The following DMXL2 variants were observed in gnomAD, a reference collection of about 807,000 sequenced individuals.
The protein encoded by DMXL2 is dmX-like protein 2.
A neutral mutation model predicts 331.1 loss-of-function variants in DMXL2; 103 were observed. That is an observed-to-expected ratio of 0.31 (90% CI 0.27 to 0.37). The LOEUF (loss-of-function observed/expected upper bound fraction) is 0.37, where lower values mean the gene tolerates loss of function less well. Among genes scored for constraint, DMXL2 ranks in the 10% least tolerant of loss-of-function variants. The pLI is 1.00. For synonymous variants in DMXL2, 1,281 were observed against 1,252.1 expected (o/e 1.02, Z -0.49); for missense variants, 3,171 against 3,642.9 (o/e 0.87, Z 3.33).
At chr15:51,483,776 G>A (rs1595965314) in intron 23 of DMXL2, among the ~76,000 whole-genome samples, 1 of 152,146 alleles carries the variant, frequency 6.6e-6, no homozygotes, top group Admixed American at 6.5e-5. Context: ...AAGCAGCCAA[G>A]AGCCCACTTC....
In DMXL2 at chr15:51,542,477, C is replaced by T. The variant is rs372014926; in HGVS notation, c.961G>A (p.Gly321Arg). ...ACAAGAACAGATGACCTCCTCTGTC[C>T]TTTCCTTAAATTTTTCAAATGGTGT... The part of the protein sequence containing the change: ...TIHHLKNLRK[G>R]QRRSSVLVTH... Residue 321 changes from glycine (G) to arginine (R), a missense_variant, in exon 9 of 44, where the codon GGA becomes AGA. Gly to Arg is a moderately radical substitution (Grantham distance 125). Coordinates refer to ENST00000560891, the MANE Select transcript of DMXL2 (RefSeq NM_001378457.1). 2 of 1,613,112 alleles carry T rather than the reference C, an allele frequency of 1.2e-6. No homozygotes were observed. Among genetic ancestry groups the T allele is most frequent in the African/African-American group, 1.3e-5 (1 of 74,852 alleles).
intron 2 of DMXL2, among the ~76,000 whole-genome samples, chr15:51,571,573 A>G (rs2050672081): frequency 6.6e-6 from 1 of 152,234 alleles, no homozygotes. Flanking sequence ...AATGGAAATC[A>G]TAACAAATAG....
intron 6 of DMXL2, among the ~76,000 whole-genome samples, chr15:51,557,581 TA>T (rs1256152556): frequency 6.6e-6 from 1 of 151,990 alleles, no homozygotes; most frequent in Non-Finnish European, 1.5e-5. Flanking sequence ...AAGACGATCT[TA>T]AAAAAGAAAA....
chr15:51,476,558 A>AT (rs574089047), intron 27 of DMXL2, 31 bp downstream of exon 27: 11,903 of 1,108,156 alleles, frequency 0.011, no homozygotes, highest in East Asian at 0.015. Flanking sequence ...CAACTAGAAG[A>AT]TTTTTTTTTT....
chr15:51,608,238 T>TC (rs2053723230), intron 1 of DMXL2, among the ~76,000 whole-genome samples: 1 of 151,694 alleles, frequency 6.6e-6, no homozygotes, highest in African/African-American at 2.4e-5. Flanking sequence ...AACCCAGCAA[T>TC]CCCATTATTG....
chr15:51,499,735 C>T lies in DMXL2; in HGVS notation c.3489G>A (p.Pro1163=), dbSNP rs1201754904. The change falls in exon 18 of 44, where the codon CCG becomes CCA. Residue 1163 remains proline (P), a synonymous_variant. Coordinates refer to ENST00000560891, the MANE Select transcript of DMXL2 (RefSeq NM_001378457.1). ...ALLSKDRYLI[P]NIKHLVHLDW... is the part of the protein sequence containing the mutation. The stretch of plus-strand genomic sequence containing the variant: ...CCAAATGTACTAAATGTTTGATATT[C>T]GGAATAAGATATCTATCCTTGCTCA... 16 of 1,613,880 alleles carry T rather than the reference C, an allele frequency of 9.9e-6. No homozygotes were observed. The highest frequency in any genetic ancestry group is 5.5e-5 in the South Asian group (5 of 91,070).
chr15:51,536,759 G>A lies in DMXL2; in HGVS notation c.1721C>T (p.Ser574Phe), dbSNP rs536579523. 5.4e-5 allele frequency: 87 copies of A among 1,614,058 alleles called. 1 individual carries two copies. The South Asian group carries it at 8.5e-4, about 16-fold the overall frequency. The change falls in exon 12 of 44, where the codon TCT becomes TTT. Residue 574 changes from serine (S) to phenylalanine (F), a missense_variant. Ser to Phe is a radical substitution (Grantham distance 155). This residue lies in a region of DMXL2 where 1,674 missense variants were observed against 1,780.2 expected (regional missense o/e 0.94). Coordinates refer to ENST00000560891, the MANE Select transcript of DMXL2 (RefSeq NM_001378457.1). ...MYACINATKD[S>F]HHTLLHQEGM... ...CTCCTGGTGTAACAGCGTGTGGTGA[G>A]AATCTTTTGTCGCATTTATACAGGC...
At chr15:51,581,484 C>A (rs937372271) in intron 1 of DMXL2, among the ~76,000 whole-genome samples, 1 of 152,104 alleles carries the variant, frequency 6.6e-6, no homozygotes, top group Non-Finnish European at 1.5e-5. Flanking sequence ...ACAAAAAAAG[C>A]ACTGATAAGG....
At chr15:51,503,869 A>T (rs942467849) in intron 16 of DMXL2, among the ~76,000 whole-genome samples, 4 of 152,298 alleles carry the variant, frequency 2.6e-5, no homozygotes, top group South Asian at 2.1e-4. Context: ...TTTTTAAAAA[A>T]ATTACTTTGC....
rs770636240 is a variant in DMXL2, at chr15:51,498,909, G to C, written c.4315C>G (p.Gln1439Glu). The change falls in exon 18 of 44, where the codon CAA becomes GAA. Residue 1439 changes from glutamine (Q) to glutamate (E), a missense_variant. Physicochemically the swap from Gln to Glu is conservative, Grantham distance 29. This residue lies in a region of DMXL2 where 1,674 missense variants were observed against 1,780.2 expected (regional missense o/e 0.94). Coordinates refer to ENST00000560891, the MANE Select transcript of DMXL2 (RefSeq NM_001378457.1). ...TCTGAAATTCTGTAGGATGTATCTT[G>C]ATCTGCAGCAAGTAATGCATATAGT... ...LPLYALLAAD[Q>E]DTSYRISEES... 5.0e-6 allele frequency: 8 copies of C among 1,614,106 alleles called. No homozygotes were observed. The highest frequency in any genetic ancestry group is 6.8e-6 in the Non-Finnish European group (8 of 1,180,000).
chr15:51,544,060 T>G (rs2048755155), intron 8 of DMXL2, among the ~76,000 whole-genome samples: 1 of 152,216 alleles, frequency 6.6e-6, no homozygotes, highest in African/African-American at 2.4e-5. Context: ...TTAACTGTTT[T>G]GACATCTGCT....
In DMXL2 at chr15:51,481,043, T is replaced by C; in HGVS notation, c.6063A>G (p.Leu2021=). The C allele has an allele frequency of 6.2e-7, 1 of 1,614,184 alleles. No homozygotes were observed. The highest frequency in any genetic ancestry group is 8.5e-7 in the Non-Finnish European group (1 of 1,180,018). The change falls in exon 24 of 44, where the codon TTA becomes TTG. Residue 2021 remains leucine, a synonymous_variant. Coordinates refer to ENST00000560891, the MANE Select transcript of DMXL2 (RefSeq NM_001378457.1). ...DQKASDPNML[L]TPQEEDDPEG... is the part of the protein sequence containing the mutation. ...CAGGATCATCCTCTTCCTGAGGTGT[T>C]AATAACATGTTAGGGTCTGAGGCCT...
chr15:51,468,856 A>G (rs2040836026), intron 29 of DMXL2, among the ~76,000 whole-genome samples: 1 of 152,200 alleles, frequency 6.6e-6, no homozygotes, highest in Non-Finnish European at 1.5e-5. Flanking sequence ...GACAAGATTC[A>G]GAGGAACAAA....
At chr15:51,457,217 T>C in intron 37 of DMXL2, 111 bp downstream of exon 37, 2 of 1,091,520 alleles carry the variant, frequency 1.8e-6, no homozygotes, top group Non-Finnish European at 2.6e-6. Context: ...TATCATGGCC[T>C]ATCTACTGGT....
At chr15:51,611,300 G>A (rs1001430434) in intron 1 of DMXL2, among the ~76,000 whole-genome samples, 21 of 152,098 alleles carry the variant, frequency 1.4e-4, no homozygotes, top group Non-Finnish European at 2.2e-4. Flanking sequence ...GCAGACCTAA[G>A]AAGATATTAA....
intron 13 of DMXL2, among the ~76,000 whole-genome samples, chr15:51,531,659 T>G (rs1046737809): frequency 6.6e-6 from 1 of 151,684 alleles, no homozygotes; most frequent in Admixed American, 6.6e-5. Context: ...TATAAGAAGC[T>G]CAAACAACTC....
intron 1 of DMXL2, among the ~76,000 whole-genome samples, chr15:51,618,651 T>C (rs1467787974): frequency 3.3e-5 from 5 of 152,294 alleles, no homozygotes; most frequent in African/African-American, 1.2e-4. Flanking sequence ...TCTAAGAGTG[T>C]CTGTTATTTA....
chr15:51,591,857 T>C (rs1232518915), intron 1 of DMXL2, among the ~76,000 whole-genome samples: 1 of 152,214 alleles, frequency 6.6e-6, no homozygotes, highest in African/African-American at 2.4e-5. Context: ...CTGAGGGTCC[T>C]GACTCTTAGA....
intron 1 of DMXL2, among the ~76,000 whole-genome samples, chr15:51,589,808 A>T (rs1278914323): frequency 6.6e-6 from 1 of 152,340 alleles, no homozygotes; most frequent in East Asian, 1.9e-4. Flanking sequence ...AGAGACTATA[A>T]AGAGAATTAA....
Sources: gnomAD v4.1 joint callset for allele counts (sites outside exome capture counted in the v4.1 genomes callset) on GRCh38, gnomAD v4.1.1 for gene constraint, gnomAD v4.1.1 regional missense constraint, MANE v1.5 for transcripts, NCBI Gene and HGNC (gene_info 2026-07-23, HGNC 2026-07-21) for gene names.